The following REEP6 variants were observed in gnomAD, a reference collection of about 807,000 sequenced individuals.
The protein encoded by REEP6 is receptor accessory protein 6.
A neutral mutation model predicts 22.4 loss-of-function variants in REEP6; 19 were observed. The ratio of observed to expected loss-of-function variants is 0.85; its 90% CI spans 0.59 to 1.25. The LOEUF is 1.25. REEP6 is among the 50% of genes most tolerant of loss of function. The probability of loss-of-function intolerance (pLI) is 0.00; values close to 1 mark genes in which losing one functional copy is unlikely to be tolerated. For missense variants in REEP6, 273 were observed against 251.9 expected (o/e 1.08, Z -0.57); for synonymous variants, 121 against 113.6 (o/e 1.06, Z -0.41).
Position 1,497,838 on chromosome 19 carries a change from C to T in REEP6, c.*627C>T, listed in dbSNP as rs1471695053. ...CACCACCGAGATCACCTGCAGCTGG[C>T]CACACCACAGGCCCCCGTGCCTGCA... On this transcript the variant is annotated 3_prime_UTR_variant, in exon 5 of 5. Coordinates refer to ENST00000233596, the MANE Select transcript of REEP6 (RefSeq NM_138393.4). This position sits in a 1 kb window ranked among gnomAD's most constrained non-coding sequence, Gnocchi z 6.5. 7 of 470,604 alleles carry T rather than the reference C, an allele frequency of 1.5e-5. No homozygotes were observed. Among genetic ancestry groups the T allele is most frequent in the Middle Eastern group, 3.2e-4 (1 of 3,098 alleles). 29.2% of individuals were successfully genotyped at this position (470,604 alleles called of 1,614,324 possible). A position where few individuals can be genotyped will look rare whatever the true frequency, so the allele number is the denominator to read the frequency against.
At position 1,491,184 on chromosome 19, in the gene REEP6, C is replaced by G; in HGVS notation, c.-86C>G. On this transcript the variant is annotated 5_prime_UTR_variant, in exon 1 of 5. Transcript: ENST00000233596. The surrounding 1 kb of genome is among the most constrained non-coding windows in gnomAD (Gnocchi z 5.4). ...CGGGGCCGGAGCATCGCGGCTCAGG[C>G]TGCGGGAAAGCGGTGCGCGTGCAGC... The G allele has an allele frequency of 1.0e-6, 1 of 974,834 alleles. No homozygotes were observed. Among genetic ancestry groups the G allele is most frequent in the Non-Finnish European group, 1.4e-6 (1 of 707,268 alleles). The allele number at this position is 974,834 out of a possible 1,614,324, so 60.4% of individuals were successfully genotyped here. A position where few individuals can be genotyped will look rare whatever the true frequency, so the allele number is the denominator to read the frequency against.
intron 1 of REEP6, among the ~76,000 whole-genome samples, chr19:1,494,244 C>G (rs1399428057): frequency 6.6e-6 from 1 of 152,150 alleles, no homozygotes; most frequent in East Asian, 1.9e-4. Context: ...CCAAAGGGCT[C>G]TCCTCCACCC....
At position 1,496,717 on chromosome 19, in the gene REEP6, TGC is replaced by T. The variant is rs34524945; in HGVS notation, c.517+278_517+279del. 0.28 allele frequency: 161,915 copies of T among 574,932 alleles called. 17,649 individuals carry two copies. The highest frequency in any genetic ancestry group is 0.34 in the South Asian group (19,723 of 57,834). 35.6% of individuals were successfully genotyped at this position (574,932 alleles called of 1,614,324 possible). A position where few individuals can be genotyped will look rare whatever the true frequency, so the allele number is the denominator to read the frequency against. On this transcript the variant is annotated intron_variant, in intron 4 of 4. Coordinates refer to ENST00000233596, the MANE Select transcript of REEP6 (RefSeq NM_138393.4). Reference sequence around the variant, plus strand: ...GATAGGAGCTGTGTGTGTGTGTGTGTGCGCGCGCGCGCGCGTGTGTTTGAGCG... The same window carrying T: ...GATAGGAGCTGTGTGTGTGTGTGTGTGCGCGCGCGCGCGTGTGTTTGAGCG...
In REEP6 at chr19:1,497,323, G is replaced by C; in HGVS notation, c.*112G>C. ...CATCCCCCAACAGCAGCCCCTGCCA[G>C]TCCCTCGGGTCCAGGCAAGGCCCTG... On this transcript the variant is annotated 3_prime_UTR_variant, in exon 5 of 5. Transcript: ENST00000233596. The surrounding 1 kb of genome is among the most constrained non-coding windows in gnomAD (Gnocchi z 6.5). The C allele has an allele frequency of 9.9e-7, 1 of 1,009,484 alleles. No individual in the cohort carries two copies. The highest frequency in any genetic ancestry group is 1.5e-6 in the Non-Finnish European group (1 of 652,786). The allele number at this position is 1,009,484 out of a possible 1,614,324, so 62.5% of individuals were successfully genotyped here.
chr19:1,493,466 T>C (rs1211276163), intron 1 of REEP6, among the ~76,000 whole-genome samples: 4 of 152,018 alleles, frequency 2.6e-5, no homozygotes, highest in Non-Finnish European at 5.9e-5. Context: ...TGCCCTTTGG[T>C]CCAGAAGTGG....
At position 1,491,353 on chromosome 19, in the gene REEP6, G is replaced by A. The variant is rs1409716487; in HGVS notation, c.84G>A (p.Lys28=). 10 of 1,476,000 alleles carry A rather than the reference G, an allele frequency of 6.8e-6. No homozygotes were observed. Among genetic ancestry groups the A allele is most frequent in the Non-Finnish European group, 9.0e-6 (10 of 1,114,624 alleles). The allele number at this position is 1,476,000 out of a possible 1,614,324, so 91.4% of individuals were successfully genotyped here. The change falls in exon 1 of 5, where the codon AAG becomes AAA. Residue 28 remains lysine, a synonymous_variant. Coordinates refer to ENST00000233596, the MANE Select transcript of REEP6 (RefSeq NM_138393.4). This position sits in a 1 kb window ranked among gnomAD's most constrained non-coding sequence, Gnocchi z 5.4. The part of the protein sequence containing the change: ...VTEVLGALEA[K]TGVEKRYLAA... ...AAGTGCTGGGGGCGCTGGAGGCCAA[G>A]ACCGGGGTGGAGAAGCGGTATCTGG...
rs1258943044 is a variant in REEP6 at position 1,497,686 on chromosome 19, A to C, written c.*475A>C. The stretch of plus-strand genomic sequence containing the variant: ...CCCAGCAAGTCCTCTGGCAAGCCGG[A>C]GGACGCAGCCCCCAAGACCAGCGGA... On this transcript the variant is annotated 3_prime_UTR_variant, in exon 5 of 5. Transcript: ENST00000233596. This position sits in a 1 kb window ranked among gnomAD's most constrained non-coding sequence, Gnocchi z 6.5. 8.4e-6 allele frequency: 4 copies of C among 474,614 alleles called. No homozygotes were observed. The highest frequency in any genetic ancestry group is 8.0e-5 in the African/African-American group (4 of 50,100). The allele number at this position is 474,614 out of a possible 1,614,324, so 29.4% of individuals were successfully genotyped here. A position where few individuals can be genotyped will look rare whatever the true frequency, so the allele number is the denominator to read the frequency against.
Position 1,491,465 on chromosome 19 carries a change from C to T in REEP6, c.115+81C>T, listed in dbSNP as rs1456862955. 11 of 1,018,222 alleles carry T rather than the reference C, an allele frequency of 1.1e-5. No homozygotes were observed. The African/African-American group carries it at 1.5e-4, about 14-fold the overall frequency. 63.1% of individuals were successfully genotyped at this position (1,018,222 alleles called of 1,614,324 possible). Reference sequence around the variant, plus strand: ...GGGGGTCGCAGACCGGACTCCTTCCCCGGCTACGGGGTCCGGTCCGGCCGG... The same window carrying T: ...GGGGGTCGCAGACCGGACTCCTTCCTCGGCTACGGGGTCCGGTCCGGCCGG... On this transcript the variant is annotated intron_variant, in intron 1 of 4. Transcript: ENST00000233596. This position sits in a 1 kb window ranked among gnomAD's most constrained non-coding sequence, Gnocchi z 5.4.
intron 4 of REEP6, among the ~76,000 whole-genome samples, 195 bp from the exon 5 acceptor site, chr19:1,496,979 T>A (rs2085014192): frequency 6.6e-6 from 1 of 152,180 alleles, no homozygotes. Context: ...CACATGCGTG[T>A]GCTCTGTGTG....
chr19:1,493,847 G>A (rs2084985315), intron 1 of REEP6, among the ~76,000 whole-genome samples: 1 of 152,056 alleles, frequency 6.6e-6, no homozygotes, highest in South Asian at 2.1e-4. Context: ...CAGCAGTTTG[G>A]GAGGCCAAGG....
In REEP6 at chr19:1,496,943, TGTGA is replaced by T. The variant is rs1340092608; in HGVS notation, c.518-227_518-224del. The stretch of plus-strand genomic sequence containing the variant: ...GTGTGCGTGTGACCATGTGTGCACG[TGTGA>T]GTGCGTGCGTGTGCATGACTGCACA... On this transcript the variant is annotated intron_variant, in intron 4 of 4. Transcript: ENST00000233596. Among the ~76,000 whole-genome samples, 5 of 152,268 alleles carry T rather than the reference TGTGA, an allele frequency of 3.3e-5. No homozygotes were observed. The East Asian group carries it at 9.7e-4, about 29-fold the overall frequency.
chr19:1,493,245 C>T (rs1022838273), intron 1 of REEP6, among the ~76,000 whole-genome samples: 3 of 152,150 alleles, frequency 2.0e-5, no homozygotes, highest in Admixed American at 6.5e-5. Context: ...GAGCCAGGCC[C>T]GGGGAGAGAT....
chr19:1,497,144 G>GTCCTCCC lies in REEP6; in HGVS notation c.518-30_518-29insTCCTCCC. ...CCGGGGAGCCCAGGCCTGCCTCACGGCCCTCCCCCACCCGCCCCTCTCTCT... is the reference window on the plus strand; with the variant it reads ...CCGGGGAGCCCAGGCCTGCCTCACGGTCCTCCCCCCTCCCCCACCCGCCCCTCTCTCT... On this transcript the variant is annotated intron_variant, in intron 4 of 4. Transcript: ENST00000233596. The surrounding 1 kb of genome is among the most constrained non-coding windows in gnomAD (Gnocchi z 6.5). The GTCCTCCC allele has an allele frequency of 2.2e-5, 29 of 1,328,092 alleles. No homozygotes were observed. The highest frequency in any genetic ancestry group is 7.8e-5 in the South Asian group (5 of 63,936). The allele number at this position is 1,328,092 out of a possible 1,614,324, so 82.3% of individuals were successfully genotyped here.
At position 1,497,431 on chromosome 19, in the gene REEP6, C is replaced by A. The variant is rs1274811291; in HGVS notation, c.*220C>A. 23 of 711,588 alleles carry A rather than the reference C, an allele frequency of 3.2e-5. No individual in the cohort carries two copies. The Admixed American group carries it at 4.6e-4, about 14-fold the overall frequency. 44.1% of individuals were successfully genotyped at this position (711,588 alleles called of 1,614,324 possible). On this transcript the variant is annotated 3_prime_UTR_variant, in exon 5 of 5. Coordinates refer to ENST00000233596, the MANE Select transcript of REEP6 (RefSeq NM_138393.4). This position sits in a 1 kb window ranked among gnomAD's most constrained non-coding sequence, Gnocchi z 6.5. Reference sequence around the variant, plus strand: ...AGCTCTGGATCCCAGGGCCAGCTGCCCTCTGGCTCTGGCTGTGGCTCCCGC... The same window carrying A: ...AGCTCTGGATCCCAGGGCCAGCTGCACTCTGGCTCTGGCTGTGGCTCCCGC...
Position 1,496,285 on chromosome 19 carries a change from T to C in REEP6, c.349T>C (p.Cys117Arg), listed in dbSNP as rs933962747. Residue 117 changes from cysteine to arginine, a missense_variant and splice_region_variant, in exon 4 of 5, where the codon TGC (cysteine) becomes CGC (arginine). Physicochemically the swap from Cys to Arg is radical, Grantham distance 180. Transcript: ENST00000233596. ...GTGTAACTCCTGCCCCGCCCTGCAG[T>C]GCGCCTTCCTGTTGTTCTGCATGGC... Reference protein sequence around the residue: ...SWFPFYYVGKCAFLLFCMAPR... With the variant: ...SWFPFYYVGKRAFLLFCMAPR... 3.1e-6 allele frequency: 5 copies of C among 1,603,042 alleles called. No homozygotes were observed. The Admixed American group carries it at 6.7e-5, about 21-fold the overall frequency.
intron 1 of REEP6, among the ~76,000 whole-genome samples, chr19:1,493,443 G>A (rs2084982305): frequency 6.6e-6 from 1 of 152,142 alleles, no homozygotes; most frequent in African/African-American, 2.4e-5. Flanking sequence ...GGGGCTGGGG[G>A]GACTTGGGCC....
intron 4 of REEP6, 195 bp downstream of exon 4, chr19:1,496,648 C>T (rs1263351445): frequency 2.6e-6 from 2 of 757,862 alleles, no homozygotes; most frequent in South Asian, 1.5e-5. Context: ...GTGGCCGGGC[C>T]CTCCACTCCC....
At position 1,497,249 on chromosome 19, in the gene REEP6, T is replaced by C. The variant is rs1360321456; in HGVS notation, c.*38T>C. 1 of 1,500,512 alleles carries C rather than the reference T, an allele frequency of 6.7e-7. No individual in the cohort carries two copies. The highest frequency in any genetic ancestry group is 1.2e-5 in the South Asian group (1 of 83,362). 92.9% of individuals were successfully genotyped at this position (1,500,512 alleles called of 1,614,324 possible). A position where few individuals can be genotyped will look rare whatever the true frequency, so the allele number is the denominator to read the frequency against. ...AGCCTCACAAGGACCTCCTGGCTGGTGAGGAGGGGGCCGCGCCAGGCTCCC... is the reference window on the plus strand; with the variant it reads ...AGCCTCACAAGGACCTCCTGGCTGGCGAGGAGGGGGCCGCGCCAGGCTCCC... On this transcript the variant is annotated 3_prime_UTR_variant, in exon 5 of 5. Transcript: ENST00000233596. The surrounding 1 kb of genome is among the most constrained non-coding windows in gnomAD (Gnocchi z 6.5).
intron 4 of REEP6, chr19:1,496,682 G>T: frequency 1.4e-6 from 1 of 710,666 alleles, no homozygotes. Context: ...GTACGTAACC[G>T]CTGTGGGGAG....
Sources: allele counts gnomAD v4.1 joint callset (sites outside exome capture counted in the v4.1 genomes callset), GRCh38; gene constraint gnomAD v4.1.1; non-coding constraint Gnocchi (gnomAD v3.1); transcripts MANE v1.5; gene names NCBI Gene and HGNC (gene_info 2026-07-23, HGNC 2026-07-21).